Variants in SLC9C1 observed in about 807,000 individuals in gnomAD.
SLC9C1 encodes solute carrier family 9 member C1, also known as sodium/hydrogen exchanger 10.
Under a neutral mutation model 140.9 loss-of-function variants are expected in SLC9C1, and 97 were observed. The observed-to-expected ratio is 0.69, with a 90% CI of 0.58 to 0.82. SLC9C1 has a LOEUF of 0.82. Among genes scored for constraint, SLC9C1 ranks in the 40% least tolerant of loss-of-function variants. The pLI is 0.00. For synonymous variants in SLC9C1, 440 were observed against 442.6 expected (o/e 0.99, Z 0.07); for missense variants, 1,340 against 1,389.3 (o/e 0.96, Z 0.56).
chr3:112,151,079 A>G (rs2074964575), intron 28 of SLC9C1, among the ~76,000 whole-genome samples: 1 of 151,840 alleles, frequency 6.6e-6, no homozygotes, highest in South Asian at 2.1e-4. Flanking sequence ...CTCGTGATCC[A>G]CCTGCCTTGG....
chr3:112,159,658 T>C (rs879283726), intron 26 of SLC9C1, among the ~76,000 whole-genome samples: 14 of 152,194 alleles, frequency 9.2e-5, no homozygotes, highest in Non-Finnish European at 1.9e-4. Flanking sequence ...ACTGGGGTGT[T>C]GAAGTCCCCT....
chr3:112,178,860 C>A (rs895447500), intron 23 of SLC9C1, among the ~76,000 whole-genome samples: 1 of 152,148 alleles, frequency 6.6e-6, no homozygotes, highest in Non-Finnish European at 1.5e-5. Flanking sequence ...CGTTCATTAG[C>A]TGAAATTCTA....
rs372930925 is a variant in SLC9C1 at position 112,277,737 on chromosome 3, T to G, written c.442A>C (p.Ser148Arg). ...QWLLFSAILVSSDPMLTAAAI... is the reference protein window; with the variant it reads ...QWLLFSAILVRSDPMLTAAAI... ...GCTGCGGTTAGCATGGGATCTGAAC[T>G]CACAAGGATAGCTGAAAATAATAAC... Residue 148 changes from serine to arginine, a missense_variant, in exon 5 of 29, where the codon AGT becomes CGT. By Grantham distance (110) the Ser-to-Arg change is moderately radical. Coordinates refer to ENST00000305815, the MANE Select transcript of SLC9C1 (RefSeq NM_183061.3). 212 of 1,608,810 alleles carry G rather than the reference T, an allele frequency of 1.3e-4. No homozygotes were observed. The highest frequency in any genetic ancestry group is 1.7e-4 in the Non-Finnish European group (206 of 1,177,664).
intron 13 of SLC9C1, among the ~76,000 whole-genome samples, chr3:112,230,209 A>AT (rs1205075951): frequency 6.6e-6 from 1 of 151,760 alleles, no homozygotes; most frequent in Non-Finnish European, 1.5e-5. Context: ...TTGACTGACA[A>AT]TTTTTTCCTC....
chr3:112,146,273 C>T (rs958466609), intron 28 of SLC9C1, among the ~76,000 whole-genome samples: 3 of 151,740 alleles, frequency 2.0e-5, no homozygotes, highest in Non-Finnish European at 4.4e-5. Context: ...AACTTTATTT[C>T]CATTGATTCT....
At chr3:112,293,520 A>AAG (rs2080750671) in intron 1 of SLC9C1, among the ~76,000 whole-genome samples, 1 of 152,174 alleles carries the variant, frequency 6.6e-6, no homozygotes, top group African/African-American at 2.4e-5. Flanking sequence ...AAGCATCCTG[A>AAG]AGAGGGCACT....
intron 26 of SLC9C1, among the ~76,000 whole-genome samples, chr3:112,161,918 C>T (rs1480947117): frequency 2.0e-5 from 3 of 151,346 alleles, no homozygotes; most frequent in Non-Finnish European, 2.9e-5. Context: ...AATGTTCTTC[C>T]ATTTGTTTGT....
rs750381826 is a variant in SLC9C1, at chr3:112,240,024, A to G, written c.1280-18T>C. 11 of 1,592,648 alleles carry G rather than the reference A, an allele frequency of 6.9e-6. No homozygotes were observed. Among genetic ancestry groups the G allele is most frequent in the Non-Finnish European group, 9.4e-6 (11 of 1,168,796 alleles). ...ACGAAGACCTTTGATACAAACACAC[A>G]TTTGATAAATAGTAGAAACACCACA... On this transcript the variant is annotated intron_variant, in intron 11 of 28. Transcript: ENST00000305815.
intron 26 of SLC9C1, among the ~76,000 whole-genome samples, chr3:112,157,144 G>A (rs2075148123): frequency 6.6e-6 from 1 of 151,886 alleles, no homozygotes; most frequent in Admixed American, 6.6e-5. Flanking sequence ...TAGTTTTACA[G>A]TTTTAGGTCT....
At chr3:112,176,913 T>A (rs970531928) in intron 23 of SLC9C1, among the ~76,000 whole-genome samples, 4 of 152,130 alleles carry the variant, frequency 2.6e-5, no homozygotes, top group Admixed American at 2.0e-4. Flanking sequence ...TTCTTTCTGG[T>A]CTCTCAGCTG....
chr3:112,284,476 A>G (rs1282845823), intron 2 of SLC9C1, among the ~76,000 whole-genome samples: 1 of 152,248 alleles, frequency 6.6e-6, no homozygotes, highest in African/African-American at 2.4e-5. Flanking sequence ...ATGTTAAGCT[A>G]TCTCATGAAG....
intron 5 of SLC9C1, among the ~76,000 whole-genome samples, chr3:112,275,863 TTC>T (rs1316513836): frequency 6.6e-6 from 1 of 151,954 alleles, no homozygotes; most frequent in Non-Finnish European, 1.5e-5. Flanking sequence ...TTGGCAGTGT[TTC>T]TCACCAAAAA....
Position 112,200,743 on chromosome 3 carries a change from A to T in SLC9C1, c.2342T>A (p.Ile781Lys), listed in dbSNP as rs2077886112. The T allele has an allele frequency of 6.2e-7, 1 of 1,609,490 alleles. No homozygotes were observed. The highest frequency in any genetic ancestry group is 1.1e-5 in the South Asian group (1 of 90,340). The change falls in exon 19 of 29, where the codon ATA becomes AAA. Residue 781 changes from isoleucine to lysine, a missense_variant. Coordinates refer to ENST00000305815, the MANE Select transcript of SLC9C1 (RefSeq NM_183061.3). ...QIKQMLLKQV[I>K]RNMEHAIKEL... ...TTTTATAGCATGTTCCATATTCCTT[A>T]TCACTTGCTTTAATAACATCTAAGG...
intron 28 of SLC9C1, among the ~76,000 whole-genome samples, chr3:112,142,859 T>C (rs764739361): frequency 2.0e-4 from 30 of 152,252 alleles, no homozygotes; most frequent in African/African-American, 7.2e-4. Context: ...TACCCAGTAG[T>C]TAGTTTTTCA....
Position 112,141,144 on chromosome 3 carries a change from A to G in SLC9C1, c.*128T>C. Reference sequence around the variant, plus strand: ...CAAGGTCCAAATTTCTTTTCTGCTTAGCACCAAGATCATCCACACAGGATC... The same window carrying G: ...CAAGGTCCAAATTTCTTTTCTGCTTGGCACCAAGATCATCCACACAGGATC... On this transcript the variant is annotated 3_prime_UTR_variant, in exon 29 of 29. Coordinates refer to ENST00000305815, the MANE Select transcript of SLC9C1 (RefSeq NM_183061.3). The G allele has an allele frequency of 1.0e-6, 1 of 990,292 alleles. No homozygotes were observed. The highest frequency in any genetic ancestry group is 1.4e-6 in the Non-Finnish European group (1 of 725,806). The allele number at this position is 990,292 out of a possible 1,614,324, so 61.3% of individuals were successfully genotyped here.
At chr3:112,267,963 T>C (rs7611019) in intron 7 of SLC9C1, among the ~76,000 whole-genome samples, 44,659 of 151,956 alleles carry the variant, frequency 0.29, 6,745 homozygotes, top group East Asian at 0.35. Flanking sequence ...AGGGAAAGTC[T>C]TTTTACATTA....
intron 11 of SLC9C1, among the ~76,000 whole-genome samples, chr3:112,242,890 C>G (rs2079175612): frequency 6.6e-6 from 1 of 152,048 alleles, no homozygotes; most frequent in African/African-American, 2.4e-5. Flanking sequence ...AGAAGGCATA[C>G]AAGTGGCCAA....
rs551959137 is a variant in SLC9C1, at chr3:112,182,325, G to C, written c.2524-67C>G. On this transcript the variant is annotated intron_variant, in intron 20 of 28. Coordinates refer to ENST00000305815, the MANE Select transcript of SLC9C1 (RefSeq NM_183061.3). Reference sequence around the variant, plus strand: ...GTTCCCAGAATGTTTAAGGCAGACAGGTCTTTGTACTATTTCCTATTCTTG... The same window carrying C: ...GTTCCCAGAATGTTTAAGGCAGACACGTCTTTGTACTATTTCCTATTCTTG... The C allele has an allele frequency of 4.2e-5, 63 of 1,492,996 alleles. No individual in the cohort carries two copies. In the Middle Eastern group the frequency reaches 7.2e-4, roughly 17 times the overall value. The allele number at this position is 1,492,996 out of a possible 1,614,324, so 92.5% of individuals were successfully genotyped here. A position where few individuals can be genotyped will look rare whatever the true frequency, so the allele number is the denominator to read the frequency against.
chr3:112,166,503 G>A (rs1234363412), intron 26 of SLC9C1, among the ~76,000 whole-genome samples: 1 of 152,194 alleles, frequency 6.6e-6, no homozygotes, highest in Admixed American at 6.5e-5. Flanking sequence ...AGGGCAGCAG[G>A]AGAGAGAATC....
Sources: allele counts gnomAD v4.1 joint callset (sites outside exome capture counted in the v4.1 genomes callset), GRCh38; gene constraint gnomAD v4.1.1; transcripts MANE v1.5; gene names NCBI Gene and HGNC (gene_info 2026-07-23, HGNC 2026-07-21).